Variants in MNDA observed in about 807,000 individuals in gnomAD.
The protein encoded by MNDA is epididymis secretory sperm binding protein.
MNDA carries 43 observed loss-of-function variants against 37.8 expected under a neutral mutation model. The ratio of observed to expected loss-of-function variants is 1.14; its 90% confidence interval spans 0.89 to 1.47. MNDA has a LOEUF of 1.47. Ranked by LOEUF, MNDA falls within the 40% of genes most tolerant of loss-of-function variation. The pLI, the probability that MNDA is intolerant of heterozygous loss-of-function variation, is 0.00. For missense variants in MNDA, 536 were observed against 476.0 expected (o/e 1.13, Z -1.17); for synonymous variants, 181 against 169.0 (o/e 1.07, Z -0.55).
At chr1:158,845,364 A>T (rs192341628) in intron 4 of MNDA, among the ~76,000 whole-genome samples, 1 of 152,104 alleles carries the variant, frequency 6.6e-6, no homozygotes, top group East Asian at 1.9e-4. Flanking sequence ...CAGCCTCCCG[A>T]GTAGCTGGGA....
chr1:158,835,733 C>G lies in MNDA; in HGVS notation c.-21+4176C>G, dbSNP rs191528464. On this transcript the variant is annotated intron_variant, in intron 1 of 6. Coordinates refer to ENST00000368141, the MANE Select transcript of MNDA (RefSeq NM_002432.3). ...CAAGAGAAATGTTTTCAGTCTCTTA[C>G]CATTGGGAATAATGTTAGCTATGGT... Among the ~76,000 whole-genome samples the G allele has an allele frequency of 2.3e-3, 356 of 151,922 alleles. 1 individual carries two copies. The highest frequency in any genetic ancestry group is 3.9e-3 in the Non-Finnish European group (263 of 67,854).
intron 5 of MNDA, among the ~76,000 whole-genome samples, chr1:158,846,650 G>A (rs1659140233): frequency 6.6e-6 from 1 of 152,106 alleles, no homozygotes; most frequent in Non-Finnish European, 1.5e-5. Flanking sequence ...AAGGCACAGA[G>A]TTTTATTGAT....
intron 1 of MNDA, 116 bp from the exon 2 acceptor site, chr1:158,842,018 T>C (rs1659036911): frequency 1.3e-6 from 1 of 796,118 alleles, no homozygotes; most frequent in Non-Finnish European, 2.0e-6. Flanking sequence ...TCCCTTTTTC[T>C]TATACGCATC....
At chr1:158,833,132 C>T (rs1432474553) in intron 1 of MNDA, among the ~76,000 whole-genome samples, 2 of 152,056 alleles carry the variant, frequency 1.3e-5, no homozygotes, top group African/African-American at 4.8e-5. Context: ...TTGACTCTGG[C>T]TTTACTTATT....
chr1:158,833,327 G>A (rs1658841311), intron 1 of MNDA, among the ~76,000 whole-genome samples: 1 of 152,114 alleles, frequency 6.6e-6, no homozygotes, highest in Non-Finnish European at 1.5e-5. Flanking sequence ...TTTTAATTGT[G>A]TTAAGAAACA....
At chr1:158,845,434 G>A (rs1210123390) in intron 4 of MNDA, among the ~76,000 whole-genome samples, 153 bp from the exon 5 acceptor site, 1 of 152,030 alleles carries the variant, frequency 6.6e-6, no homozygotes, top group East Asian at 1.9e-4. Flanking sequence ...AGAGATGGGG[G>A]TTTCACCATG....
chr1:158,837,955 C>T (rs1658955240), intron 1 of MNDA, among the ~76,000 whole-genome samples: 2 of 151,796 alleles, frequency 1.3e-5, no homozygotes, highest in Non-Finnish European at 3.0e-5. Flanking sequence ...CTAATAACAA[C>T]TTAACTTCAA....
At chr1:158,831,951 T>C (rs72702928) in intron 1 of MNDA, among the ~76,000 whole-genome samples, 28,731 of 152,070 alleles carry the variant, frequency 0.19, 2,913 homozygotes, top group Admixed American at 0.27. Flanking sequence ...TAAACCAGGA[T>C]ATAAATCTCT....
At chr1:158,834,326 G>A (rs965116152) in intron 1 of MNDA, among the ~76,000 whole-genome samples, 1 of 148,030 alleles carries the variant, frequency 6.8e-6, no homozygotes, top group African/African-American at 2.5e-5. Context: ...TCCGCCTCCC[G>A]GGTTCACGCC....
intron 2 of MNDA, 93 bp from the exon 3 acceptor site, chr1:158,843,186 G>A (rs1388969638): frequency 1.4e-6 from 2 of 1,459,248 alleles, no homozygotes; most frequent in Non-Finnish European, 1.8e-6. Context: ...TCATGCAGGA[G>A]CTGACAGCAG....
intron 4 of MNDA, among the ~76,000 whole-genome samples, chr1:158,844,774 T>C (rs1280666302): frequency 6.8e-6 from 1 of 146,170 alleles, no homozygotes; most frequent in African/African-American, 2.5e-5. Flanking sequence ...CATTAGAACA[T>C]CTAATGATGT....
chr1:158,832,304 T>C (rs574689466), intron 1 of MNDA, among the ~76,000 whole-genome samples: 1 of 152,120 alleles, frequency 6.6e-6, no homozygotes, highest in East Asian at 1.9e-4. Context: ...TTATAAACGT[T>C]GGATTCCAAA....
At chr1:158,837,232 A>G (rs772390927) in intron 1 of MNDA, among the ~76,000 whole-genome samples, 43 of 151,628 alleles carry the variant, frequency 2.8e-4, no homozygotes, top group Admixed American at 7.2e-4. Flanking sequence ...TAAGTGGTCT[A>G]TAATGTTTTT....
chr1:158,843,915 A>C (rs773521936), intron 3 of MNDA, 40 bp from the exon 4 acceptor site: 4 of 1,521,716 alleles, frequency 2.6e-6, no homozygotes, highest in Non-Finnish European at 3.5e-6. Context: ...GCTTCTTTTG[A>C]TACTAAACTC....
intron 1 of MNDA, among the ~76,000 whole-genome samples, chr1:158,836,263 C>T (rs545161671): frequency 1.2e-4 from 19 of 152,054 alleles, no homozygotes; most frequent in Admixed American, 9.8e-4. Flanking sequence ...GAAGTGTTCC[C>T]TCCTTTTCAA....
rs780583002 is a variant in MNDA at position 158,843,349 on chromosome 1, G to A, written c.336G>A (p.Ala112=). ...TAAACCAGGAAGAAGTGGGTCTTGC[G>A]GCACCTGCACCCACCGCAAGAAACA... ...KKINQEEVGL[A]APAPTARNKL... is the part of the protein sequence containing the mutation. Residue 112 remains alanine, a synonymous_variant, in exon 3 of 7, where the codon GCG becomes GCA. Coordinates refer to ENST00000368141, the MANE Select transcript of MNDA (RefSeq NM_002432.3). 112 of 1,612,486 alleles carry A rather than the reference G, an allele frequency of 6.9e-5. No homozygotes were observed. The highest frequency in any genetic ancestry group is 1.7e-4 in the African/African-American group (13 of 74,724).
intron 1 of MNDA, among the ~76,000 whole-genome samples, chr1:158,833,729 A>G (rs1658851771): frequency 6.6e-6 from 1 of 152,110 alleles, no homozygotes. Context: ...AAGAAACCAT[A>G]TTTCTTTTTA....
At chr1:158,844,204 C>T in intron 4 of MNDA, 82 bp downstream of exon 4, 1 of 1,213,158 alleles carries the variant, frequency 8.2e-7, no homozygotes, top group Non-Finnish European at 1.1e-6. Context: ...TACTCTCATG[C>T]ATAACTCTTC....
intron 1 of MNDA, among the ~76,000 whole-genome samples, chr1:158,832,430 G>A (rs1183170441): frequency 1.3e-5 from 2 of 151,726 alleles, no homozygotes; most frequent in Non-Finnish European, 2.9e-5. Flanking sequence ...GAGATGTGGT[G>A]AAATCTCCAA....
Sources: gnomAD v4.1 joint callset for allele counts (sites outside exome capture counted in the v4.1 genomes callset) on GRCh38, gnomAD v4.1.1 for gene constraint, MANE v1.5 for transcripts, NCBI Gene and HGNC (gene_info 2026-07-23, HGNC 2026-07-21) for gene names.